Variants in LRRC1 observed in about 807,000 individuals in gnomAD.
The protein encoded by LRRC1 is leucine-rich repeat-containing protein 1.
In LRRC1, 28 loss-of-function variants were observed where a neutral mutation model predicts 69.9. The observed-to-expected ratio is 0.40, with a 90% CI of 0.30 to 0.55. The LOEUF (loss-of-function observed/expected upper bound fraction) is 0.55, where lower values mean the gene tolerates loss of function less well. Ranked by LOEUF, LRRC1 falls within the 20% of genes least tolerant of loss-of-function variation. The pLI, the probability that LRRC1 is intolerant of heterozygous loss-of-function variation, is 0.47. For synonymous variants in LRRC1, 236 were observed against 240.2 expected, an observed-to-expected ratio of 0.98 and a Z score of 0.16; for missense variants, 498 against 609.0, an observed-to-expected ratio of 0.82 and a Z score of 1.92.
intron 4 of LRRC1, among the ~76,000 whole-genome samples, chr6:53,893,770 A>G (rs1258405232): frequency 6.6e-6 from 1 of 152,134 alleles, no homozygotes; most frequent in African/African-American, 2.4e-5. Flanking sequence ...ATACATCCAC[A>G]TTTTCTTTAC....
intron 3 of LRRC1, among the ~76,000 whole-genome samples, chr6:53,881,344 T>C (rs1166161746): frequency 6.6e-6 from 1 of 152,216 alleles, no homozygotes; most frequent in Non-Finnish European, 1.5e-5. Context: ...CCTCATCACA[T>C]CTAGTTTAGC....
intron 2 of LRRC1, among the ~76,000 whole-genome samples, chr6:53,853,552 T>C (rs1562044743): frequency 6.6e-6 from 1 of 152,302 alleles, no homozygotes; most frequent in East Asian, 1.9e-4. Context: ...CCCAAAGTGC[T>C]GGGATTACAG....
chr6:53,836,637 A>G (rs1476262629), intron 1 of LRRC1, among the ~76,000 whole-genome samples: 1 of 152,192 alleles, frequency 6.6e-6, no homozygotes, highest in East Asian at 1.9e-4. Flanking sequence ...TAAAACTTTA[A>G]AAAGTTTTTT....
intron 1 of LRRC1, among the ~76,000 whole-genome samples, chr6:53,814,387 C>T (rs1263614033): frequency 4.6e-5 from 7 of 152,212 alleles, no homozygotes; most frequent in Admixed American, 4.6e-4. Flanking sequence ...CATTGAACCT[C>T]TTTGGGAATT....
rs149374978 is a variant in LRRC1, at chr6:53,917,887, T to C, written c.1107-1611T>C. On this transcript the variant is annotated intron_variant, in intron 11 of 13. Coordinates refer to ENST00000370888, the MANE Select transcript of LRRC1 (RefSeq NM_018214.5). Reference sequence around the variant, plus strand: ...AATCCTTGTCACAGTACCTGGCAAATACATGTTTTTAACTTCCTCGCATTT... The same window carrying C: ...AATCCTTGTCACAGTACCTGGCAAACACATGTTTTTAACTTCCTCGCATTT... Among the ~76,000 whole-genome samples, 60 of 152,372 alleles carry C rather than the reference T, an allele frequency of 3.9e-4. No homozygotes were observed. The East Asian group carries it at 0.01, about 26-fold the overall frequency.
At chr6:53,890,482 A>G (rs1415047383) in intron 4 of LRRC1, among the ~76,000 whole-genome samples, 1 of 152,098 alleles carries the variant, frequency 6.6e-6, no homozygotes, top group Non-Finnish European at 1.5e-5. Flanking sequence ...AGCTTGAACT[A>G]AGTGATCCAT....
intron 9 of LRRC1, 85 bp from the exon 10 acceptor site, chr6:53,904,294 C>A: frequency 1.3e-6 from 1 of 784,400 alleles, no homozygotes; most frequent in Non-Finnish European, 2.2e-6. Flanking sequence ...AGATTATATT[C>A]TTTAGGTCCT....
chr6:53,867,766 G>A (rs984795566), intron 2 of LRRC1, among the ~76,000 whole-genome samples: 1 of 151,958 alleles, frequency 6.6e-6, no homozygotes. Context: ...ACCAGCCAGG[G>A]CAAGATAGTG....
Position 53,821,887 on chromosome 6 carries a change from T to G in LRRC1, c.160-20223T>G, listed in dbSNP as rs1198778057. 2.0e-5 allele frequency among the ~76,000 whole-genome samples: 3 copies of G among 152,172 alleles called. No homozygotes were observed. The East Asian group carries it at 5.8e-4, about 29-fold the overall frequency. On this transcript the variant is annotated intron_variant, in intron 1 of 13. Coordinates refer to ENST00000370888, the MANE Select transcript of LRRC1 (RefSeq NM_018214.5). ...TAATGCTAGTAATGCTAGTTTTTTT[T>G]TTTTTTTTCCTTTTCTGTTTGTTTT...
intron 2 of LRRC1, among the ~76,000 whole-genome samples, chr6:53,868,273 G>GT (rs1408810429): frequency 6.7e-6 from 1 of 149,520 alleles, no homozygotes; most frequent in Admixed American, 6.7e-5. Context: ...TTAGGCTGGA[G>GT]TACAGTGGCC....
chr6:53,914,438 A>C (rs956922026), intron 11 of LRRC1, among the ~76,000 whole-genome samples: 10 of 152,298 alleles, frequency 6.6e-5, no homozygotes, highest in African/African-American at 2.4e-4. Flanking sequence ...ATACAAACAG[A>C]ATTGTGTATT....
chr6:53,796,129 C>T (rs1267954598), intron 1 of LRRC1, among the ~76,000 whole-genome samples: 1 of 152,240 alleles, frequency 6.6e-6, no homozygotes, highest in Non-Finnish European at 1.5e-5. Context: ...GAGGCTCTGC[C>T]CGCGGGCCAG....
rs578213067 is a variant in LRRC1, at chr6:53,922,910, C to T, written c.*117C>T. Reference sequence around the variant, plus strand: ...AACCAGCCCCCGCGCGCCATCTTCCCGTGGAGTGTGGGGAAGCTGCTGTCT... The same window carrying T: ...AACCAGCCCCCGCGCGCCATCTTCCTGTGGAGTGTGGGGAAGCTGCTGTCT... On this transcript the variant is annotated 3_prime_UTR_variant, in exon 14 of 14. Transcript: ENST00000370888. The T allele has an allele frequency of 1.3e-5, 13 of 971,564 alleles. No homozygotes were observed. The highest frequency in any genetic ancestry group is 2.1e-5 in the Admixed American group (1 of 46,658). The allele number at this position is 971,564 out of a possible 1,614,324, so 60.2% of individuals were successfully genotyped here. A position where few individuals can be genotyped will look rare whatever the true frequency, so the allele number is the denominator to read the frequency against.
intron 2 of LRRC1, among the ~76,000 whole-genome samples, chr6:53,872,031 A>G (rs773174386): frequency 8.5e-5 from 13 of 152,150 alleles, no homozygotes; most frequent in Non-Finnish European, 1.6e-4. Flanking sequence ...GCCCAGACCA[A>G]TGCCATGAAG....
chr6:53,897,130 G>A (rs558960703), intron 6 of LRRC1, among the ~76,000 whole-genome samples, 155 bp from the exon 7 acceptor site: 23 of 152,324 alleles, frequency 1.5e-4, no homozygotes, highest in African/African-American at 4.8e-4. Context: ...GAAAGTTTGG[G>A]CACTTTGAGG....
chr6:53,894,549 G>A lies in LRRC1; in HGVS notation c.447-1949G>A, dbSNP rs76850099. Among the ~76,000 whole-genome samples, 477 of 152,286 alleles carry A rather than the reference G, an allele frequency of 3.1e-3. 7 individuals are homozygous for A. The East Asian group carries it at 0.041, about 13-fold the overall frequency. Reference sequence around the variant, plus strand: ...GTTTGTTAAAATAGGTGTGAAAGTAGTGGATTACCGAAGAGATAAAATGAC... The same window carrying A: ...GTTTGTTAAAATAGGTGTGAAAGTAATGGATTACCGAAGAGATAAAATGAC... On this transcript the variant is annotated intron_variant, in intron 4 of 13. Coordinates refer to ENST00000370888, the MANE Select transcript of LRRC1 (RefSeq NM_018214.5).
chr6:53,867,318 G>A (rs1439081535), intron 2 of LRRC1, among the ~76,000 whole-genome samples: 2 of 152,062 alleles, frequency 1.3e-5, no homozygotes, highest in African/African-American at 2.4e-5. Flanking sequence ...GGCCCTCTGA[G>A]TGCAGTGAGG....
chr6:53,806,227 AC>A (rs1318967902), intron 1 of LRRC1, among the ~76,000 whole-genome samples: 2 of 152,192 alleles, frequency 1.3e-5, no homozygotes, highest in African/African-American at 4.8e-5. Flanking sequence ...TTAAAGCTAC[AC>A]ATCTTTTCTT....
intron 10 of LRRC1, among the ~76,000 whole-genome samples, chr6:53,907,710 A>G (rs1053256672): frequency 2.0e-5 from 3 of 151,722 alleles, no homozygotes; most frequent in African/African-American, 4.8e-5. Context: ...TCATTGTAAA[A>G]TATTGGACAT....
Sources: gnomAD v4.1 joint callset for allele counts (sites outside exome capture counted in the v4.1 genomes callset) on GRCh38, gnomAD v4.1.1 for gene constraint, MANE v1.5 for transcripts, NCBI Gene and HGNC (gene_info 2026-07-23, HGNC 2026-07-21) for gene names.